Variants in SH2B2 observed in about 807,000 individuals in gnomAD.
SH2B2 encodes SH2B adapter protein 2.
In SH2B2, 37 loss-of-function variants were observed where a neutral mutation model predicts 35.7. The ratio of observed to expected loss-of-function variants is 1.04; its 90% CI spans 0.80 to 1.36. The LOEUF (loss-of-function observed/expected upper bound fraction) is 1.36, where lower values mean the gene tolerates loss of function less well. Among genes scored for constraint, SH2B2 ranks in the 40% most tolerant of loss-of-function variants. The pLI is 0.00. For synonymous variants in SH2B2, 383 were observed against 376.4 expected (o/e 1.02, Z -0.20); for missense variants, 852 against 817.7 (o/e 1.04, Z -0.51).
intron 2 of SH2B2, among the ~76,000 whole-genome samples, chr7:102,305,798 C>T (rs1322771225): frequency 6.6e-6 from 1 of 151,486 alleles, no homozygotes; most frequent in Non-Finnish European, 1.5e-5. Flanking sequence ...GTGGGGTTTT[C>T]TCCTCAGGGC....
intron 1 of SH2B2, among the ~76,000 whole-genome samples, chr7:102,294,825 C>T (rs1310820940): frequency 6.6e-6 from 1 of 152,190 alleles, no homozygotes; most frequent in Non-Finnish European, 1.5e-5. Context: ...ATACCTCTAG[C>T]TGCTCAACCT....
intron 4 of SH2B2, among the ~76,000 whole-genome samples, chr7:102,311,563 T>C (rs1793621328): frequency 1.3e-5 from 2 of 148,262 alleles, no homozygotes; most frequent in Non-Finnish European, 3.0e-5. Context: ...CCTTTTTTTT[T>C]TTTTTTTTTT....
intron 1 of SH2B2, among the ~76,000 whole-genome samples, chr7:102,291,997 G>C (rs1467935866): frequency 2.6e-5 from 4 of 152,148 alleles, no homozygotes; most frequent in African/African-American, 9.7e-5. Flanking sequence ...CAGCAGGATT[G>C]AAGGAGCCTA....
At chr7:102,303,587 A>G (rs1417867003) in intron 2 of SH2B2, among the ~76,000 whole-genome samples, 1 of 152,102 alleles carries the variant, frequency 6.6e-6, no homozygotes, top group Non-Finnish European at 1.5e-5. Context: ...CCCAGGTCCC[A>G]GCACCCCTAC....
Position 102,300,665 on chromosome 7 carries a change from G to A in SH2B2, c.115G>A (p.Ala39Thr). ...LHAQAAAVDF[A>T]HKFCRFLRDN... ...TGCGCAGGCGGCCGCCGTGGACTTT[G>A]CGCACAAGTTCTGCCGTTTCCTGCG... The change falls in exon 2 of 9, where the codon GCG (alanine) becomes ACG (threonine). Residue 39 changes from alanine to threonine, a missense_variant. Transcript: ENST00000444095. 6 of 1,549,344 alleles carry A rather than the reference G, an allele frequency of 3.9e-6. No homozygotes were observed. The highest frequency in any genetic ancestry group is 5.2e-6 in the Non-Finnish European group (6 of 1,145,000).
chr7:102,302,241 C>T (rs987790898), intron 2 of SH2B2, among the ~76,000 whole-genome samples: 1 of 152,222 alleles, frequency 6.6e-6, no homozygotes, highest in Non-Finnish European at 1.5e-5. Context: ...TGGCACCTCC[C>T]AGAGCCGAGG....
At chr7:102,320,105 G>T (rs1563571049) in intron 7 of SH2B2, among the ~76,000 whole-genome samples, 1 of 152,134 alleles carries the variant, frequency 6.6e-6, no homozygotes, top group Admixed American at 6.5e-5. Flanking sequence ...GGCCCATAGT[G>T]GAGGTGCTCC....
rs1226627240 is a variant in SH2B2, at chr7:102,301,219, G to A, written c.669G>A (p.Leu223=). The A allele has an allele frequency of 6.3e-7, 1 of 1,597,966 alleles. No homozygotes were observed. Residue 223 remains leucine (L), a synonymous_variant, in exon 2 of 9, where the codon CTG becomes CTA. Transcript: ENST00000444095. ...GGSAQWQKCR[L]LLRRAVAEER... ...CGGCTCAGTGGCAGAAGTGCCGCCT[G>A]CTCCTGCGCAGGGCTGTGGCCGAGG...
At chr7:102,291,730 C>T (rs901691424) in intron 1 of SH2B2, among the ~76,000 whole-genome samples, 1 of 152,158 alleles carries the variant, frequency 6.6e-6, no homozygotes, top group Admixed American at 6.5e-5. Context: ...GTGGTCTCTG[C>T]GGAGGTGAGC....
intron 3 of SH2B2, among the ~76,000 whole-genome samples, chr7:102,307,828 T>A (rs1793462495): frequency 6.6e-6 from 1 of 151,828 alleles, no homozygotes; most frequent in South Asian, 2.1e-4. Context: ...TGGAGTGCAA[T>A]GGCGCGATCT....
intron 6 of SH2B2, among the ~76,000 whole-genome samples, chr7:102,315,860 G>A (rs1219263985): frequency 4.6e-5 from 7 of 151,898 alleles, no homozygotes; most frequent in African/African-American, 1.2e-4. Flanking sequence ...GGGAACAGGC[G>A]ACTGGATTTG....
intron 6 of SH2B2, among the ~76,000 whole-genome samples, chr7:102,315,971 C>T (rs1793815683): frequency 6.6e-6 from 1 of 152,028 alleles, no homozygotes; most frequent in Admixed American, 6.6e-5. Flanking sequence ...GTTGGGTCAG[C>T]TCCCTGCCCA....
In SH2B2 at chr7:102,320,536, CAAG is replaced by C. The variant is rs782098657; in HGVS notation, c.1567+39_1567+41del. On this transcript the variant is annotated intron_variant, in intron 8 of 8. Transcript: ENST00000444095. Reference sequence around the variant, plus strand: ...CCGCCACCTGGCTGGTGTGATTACTCAAGAAGACTTCCCGTTGATTACTCAAGA... The same window carrying C: ...CCGCCACCTGGCTGGTGTGATTACTCAAGACTTCCCGTTGATTACTCAAGA... The C allele has an allele frequency of 3.1e-6, 5 of 1,600,364 alleles. No individual in the cohort carries two copies. The Admixed American group carries it at 8.5e-5, about 27-fold the overall frequency.
rs560794905 is a variant in SH2B2, at chr7:102,297,661, G to A, written c.-29-2861G>A. Among the ~76,000 whole-genome samples, 2 of 152,258 alleles carry A rather than the reference G, an allele frequency of 1.3e-5. No individual in the cohort carries two copies. The highest frequency in any genetic ancestry group is 3.9e-4 in the East Asian group (2 of 5,186). ...GCTTAGGCGGTGACAGCTGTGACAT[G>A]CCTGGTGTGCCAAACTCATTCATTT... On this transcript the variant is annotated intron_variant, in intron 1 of 8. Transcript: ENST00000444095. The surrounding 1 kb of genome is among the most constrained non-coding windows in gnomAD (Gnocchi z 4.3).
rs531820970 is a variant in SH2B2, at chr7:102,297,544, C to A, written c.-29-2978C>A. ...TATTTGATCCACACTAGGAGGAGAC[C>A]CCTCAAGTCCTGGAGTCACTGCAGA... On this transcript the variant is annotated intron_variant, in intron 1 of 8. Transcript: ENST00000444095. This position sits in a 1 kb window ranked among gnomAD's most constrained non-coding sequence, Gnocchi z 4.3. Among the ~76,000 whole-genome samples the A allele has an allele frequency of 4.6e-5, 7 of 152,244 alleles. No individual in the cohort carries two copies. Among genetic ancestry groups the A allele is most frequent in the Admixed American group, 4.6e-4 (7 of 15,280 alleles).
At position 102,320,315 on chromosome 7, in the gene SH2B2, C is replaced by A. The variant is rs782689282; in HGVS notation, c.1396-16C>A. On this transcript the variant is annotated splice_polypyrimidine_tract_variant and intron_variant, in intron 7 of 8. Coordinates refer to ENST00000444095, the MANE Select transcript of SH2B2 (RefSeq NM_001359228.2). Reference sequence around the variant, plus strand: ...GCCCCGGACCTGCCCCTGACCACACCCACCTGTACCCACAGCACCTGCGCC... The same window carrying A: ...GCCCCGGACCTGCCCCTGACCACACACACCTGTACCCACAGCACCTGCGCC... The A allele has an allele frequency of 1.2e-5, 20 of 1,604,090 alleles. No individual in the cohort carries two copies. The highest frequency in any genetic ancestry group is 1.6e-5 in the Non-Finnish European group (19 of 1,176,714).
chr7:102,298,914 CTTTTTTTTTTT>C (rs1182008499), intron 1 of SH2B2, among the ~76,000 whole-genome samples: 2 of 93,386 alleles, frequency 2.1e-5, no homozygotes, highest in Non-Finnish European at 2.0e-5. Context: ...TCTTTCTTCT[CTTTTTTTTTTT>C]TTTTTTTTTT....
intron 4 of SH2B2, among the ~76,000 whole-genome samples, chr7:102,312,781 C>T (rs1327820772): frequency 6.6e-6 from 1 of 152,138 alleles, no homozygotes; most frequent in Non-Finnish European, 1.5e-5. Context: ...AACTCCTGGA[C>T]TCCATTGACC....
At chr7:102,320,231 C>T in intron 7 of SH2B2, 100 bp from the exon 8 acceptor site, 3 of 1,013,770 alleles carry the variant, frequency 3.0e-6, no homozygotes, top group East Asian at 2.4e-5. Flanking sequence ...CAGCCCCATA[C>T]AGCCCCTGTG....
Sources: allele counts gnomAD v4.1 joint callset (sites outside exome capture counted in the v4.1 genomes callset), GRCh38; gene constraint gnomAD v4.1.1; non-coding constraint Gnocchi (gnomAD v3.1); transcripts MANE v1.5; gene names NCBI Gene and HGNC (gene_info 2026-07-23, HGNC 2026-07-21).